Variants in NCK1 observed in about 807,000 individuals in gnomAD.
The protein encoded by NCK1 is SH2/SH3 adapter protein NCK1.
NCK1 carries 19 observed loss-of-function variants against 36.6 expected under a neutral mutation model. The observed-to-expected ratio is 0.52, with a 90% CI of 0.36 to 0.76. NCK1 has a LOEUF of 0.76. NCK1 is among the 30% of genes least tolerant of loss of function. NCK1 has a pLI of 0.00. For synonymous variants in NCK1, 165 were observed against 156.0 expected (o/e 1.06, Z -0.43); for missense variants, 358 against 445.6 (o/e 0.80, Z 1.77).
Position 136,936,380 on chromosome 3 carries a change from A to G in NCK1, c.226+8153A>G, listed in dbSNP as rs539058627. The stretch of plus-strand genomic sequence containing the variant: ...TATATGTATATATCACATTTTGTTT[A>G]TCCACTCATCTGTTCATAGATGGAC... On this transcript the variant is annotated intron_variant, in intron 2 of 3. Transcript: ENST00000481752. Among the ~76,000 whole-genome samples, 12 of 152,266 alleles carry G rather than the reference A, an allele frequency of 7.9e-5. No individual in the cohort carries two copies. In the South Asian group the frequency reaches 2.5e-3, roughly 32 times the overall value.
chr3:136,907,866 A>G (rs1442297765), intron 1 of NCK1, among the ~76,000 whole-genome samples: 2 of 152,230 alleles, frequency 1.3e-5, no homozygotes, highest in African/African-American at 4.8e-5. Context: ...TGCTACAGGT[A>G]TTATATCCTT....
intron 1 of NCK1, among the ~76,000 whole-genome samples, chr3:136,871,499 T>C (rs1367745659): frequency 6.6e-6 from 1 of 152,242 alleles, no homozygotes; most frequent in East Asian, 1.9e-4. Context: ...TGTAGATATC[T>C]GTGTAGTCAT....
chr3:136,910,261 C>T (rs1939799286), intron 1 of NCK1, among the ~76,000 whole-genome samples: 1 of 152,124 alleles, frequency 6.6e-6, no homozygotes, highest in African/African-American at 2.4e-5. Flanking sequence ...ATTTAACATT[C>T]TGAAGATAAA....
chr3:136,879,726 T>C (rs2108076398), intron 1 of NCK1, among the ~76,000 whole-genome samples: 1 of 152,180 alleles, frequency 6.6e-6, no homozygotes, highest in African/African-American at 2.4e-5. Context: ...TGGATGAAGC[T>C]GGAAGCCACC....
intron 3 of NCK1, among the ~76,000 whole-genome samples, chr3:136,946,741 T>C (rs556221681): frequency 2.6e-5 from 4 of 152,182 alleles, no homozygotes; most frequent in African/African-American, 4.8e-5. Context: ...AAAATTGATA[T>C]TAAGTTTCTT....
intron 2 of NCK1, chr3:136,928,458 A>G (rs1415198375): frequency 1.2e-5 from 6 of 515,262 alleles, no homozygotes; most frequent in Non-Finnish European, 2.1e-5. Flanking sequence ...AGTGATACCA[A>G]TGAGTAGAAC....
At chr3:136,863,792 G>A (rs1028038098) in intron 1 of NCK1, among the ~76,000 whole-genome samples, 3 of 152,056 alleles carry the variant, frequency 2.0e-5, no homozygotes, top group African/African-American at 7.3e-5. Context: ...TGAAACCTAC[G>A]TGTAATGTTT....
At chr3:136,895,210 A>G (rs1484726664) in intron 1 of NCK1, among the ~76,000 whole-genome samples, 2 of 152,178 alleles carry the variant, frequency 1.3e-5, no homozygotes, top group African/African-American at 4.8e-5. Context: ...TGTGATAAAC[A>G]GTTTTCACTT....
intron 1 of NCK1, among the ~76,000 whole-genome samples, chr3:136,925,507 A>G (rs1306641851): frequency 6.6e-6 from 1 of 152,156 alleles, no homozygotes; most frequent in Non-Finnish European, 1.5e-5. Context: ...TTATAGTCAT[A>G]CTTACTTCCC....
chr3:136,915,712 C>G (rs889471559), intron 1 of NCK1, among the ~76,000 whole-genome samples: 3 of 151,780 alleles, frequency 2.0e-5, no homozygotes, highest in African/African-American at 7.3e-5. Flanking sequence ...GGTGAAGGTG[C>G]CAAACACTTT....
intron 1 of NCK1, chr3:136,899,118 C>T: frequency 5.9e-6 from 1 of 168,708 alleles, no homozygotes; most frequent in Non-Finnish European, 1.3e-5. Context: ...CTGATCTGGA[C>T]AAGCCACAGC....
intron 1 of NCK1, among the ~76,000 whole-genome samples, chr3:136,878,590 A>G (rs1393996851): frequency 6.6e-6 from 1 of 152,092 alleles, no homozygotes; most frequent in Non-Finnish European, 1.5e-5. Context: ...TGGGGTGACA[A>G]AAATTTTCTA....
At chr3:136,866,209 A>G (rs939042368) in intron 1 of NCK1, among the ~76,000 whole-genome samples, 14 of 151,698 alleles carry the variant, frequency 9.2e-5, no homozygotes, top group African/African-American at 3.4e-4. Context: ...TGCCAGCACT[A>G]TTTCTTTATA....
chr3:136,902,200 T>G (rs867498505), intron 1 of NCK1, among the ~76,000 whole-genome samples: 240 of 140,876 alleles, frequency 1.7e-3, no homozygotes, highest in African/African-American at 5.5e-3. Context: ...TTTTTTTTTT[T>G]TTGTTTTTGT....
intron 1 of NCK1, among the ~76,000 whole-genome samples, chr3:136,884,126 C>T (rs1273296674): frequency 6.6e-6 from 1 of 152,002 alleles, no homozygotes; most frequent in African/African-American, 2.4e-5. Context: ...AACGAGCTAT[C>T]TAGAGAGAGG....
At chr3:136,901,973 T>C (rs185157512) in intron 1 of NCK1, among the ~76,000 whole-genome samples, 30 of 152,268 alleles carry the variant, frequency 2.0e-4, no homozygotes, top group Admixed American at 1.2e-3. Flanking sequence ...TACTACTTTT[T>C]TGATGTAGGC....
intron 1 of NCK1, among the ~76,000 whole-genome samples, chr3:136,896,229 T>C (rs1050261029): frequency 6.6e-6 from 1 of 152,190 alleles, no homozygotes; most frequent in African/African-American, 2.4e-5. Flanking sequence ...TATTAGAATT[T>C]TTATACTTTT....
chr3:136,892,110 A>G (rs568653207), intron 1 of NCK1, among the ~76,000 whole-genome samples: 43 of 151,774 alleles, frequency 2.8e-4, no homozygotes, highest in African/African-American at 9.2e-4. Flanking sequence ...CAGGTCTTGA[A>G]CTTTTAGCCT....
chr3:136,944,638 G>A (rs1940764424), intron 2 of NCK1, among the ~76,000 whole-genome samples: 1 of 152,160 alleles, frequency 6.6e-6, no homozygotes, highest in Non-Finnish European at 1.5e-5. Flanking sequence ...AAGAGAGTCA[G>A]GAAAGATAGT....
Sources: gnomAD v4.1 joint callset for allele counts (sites outside exome capture counted in the v4.1 genomes callset) on GRCh38, gnomAD v4.1.1 for gene constraint, MANE v1.5 for transcripts, NCBI Gene and HGNC (gene_info 2026-07-23, HGNC 2026-07-21) for gene names.